ROBO2: variants seen among roughly 807,000 people sequenced by gnomAD.
ROBO2 encodes roundabout guidance receptor 2.
A neutral mutation model predicts 160.8 loss-of-function variants in ROBO2; 53 were observed. The observed-to-expected ratio is 0.33, with a 90% CI of 0.26 to 0.41. ROBO2 has a LOEUF of 0.41. ROBO2 is among the 10% of genes least tolerant of loss of function. The pLI is 1.00. For synonymous variants in ROBO2, 664 were observed against 611.7 expected, an observed-to-expected ratio of 1.09 and a Z score of -1.26; for missense variants, 1,577 against 1,722.4, an observed-to-expected ratio of 0.92 and a Z score of 1.49.
At chr3:77,422,955 C>T (rs2077845392) in intron 2 of ROBO2, among the ~76,000 whole-genome samples, 1 of 151,988 alleles carries the variant, frequency 6.6e-6, no homozygotes, top group African/African-American at 2.4e-5. Flanking sequence ...CATTGTTTAC[C>T]AATTCCCTTA....
At chr3:77,379,216 G>C (rs2073114301) in intron 2 of ROBO2, among the ~76,000 whole-genome samples, 1 of 152,164 alleles carries the variant, frequency 6.6e-6, no homozygotes, top group South Asian at 2.1e-4. Flanking sequence ...CAAGTGCTGG[G>C]ATTACAGGCG....
intron 2 of ROBO2, among the ~76,000 whole-genome samples, chr3:76,904,362 T>C (rs953326980): frequency 1.8e-4 from 28 of 152,184 alleles, no homozygotes; most frequent in African/African-American, 6.8e-4. Context: ...TTTCAGTACA[T>C]TTTCTGATGG....
rs2107766047 is a variant in ROBO2, at chr3:76,307,662, A to G, written c.109+370060A>G. Among the ~76,000 whole-genome samples the G allele has an allele frequency of 2.0e-5, 3 of 151,858 alleles. No homozygotes were observed. The Middle Eastern group carries it at 0.01, about 517-fold the overall frequency. On this transcript the variant is annotated intron_variant, in intron 2 of 26. Transcript: ENST00000487694. Reference sequence around the variant, plus strand: ...AGCCCTTTCCAGTTTCCCAAGATCCATGCGCCCGACTCAGTAAAAGAGAAG... The same window carrying G: ...AGCCCTTTCCAGTTTCCCAAGATCCGTGCGCCCGACTCAGTAAAAGAGAAG...
At chr3:77,297,037 A>ATT (rs35569967) in intron 2 of ROBO2, among the ~76,000 whole-genome samples, 1 of 146,076 alleles carries the variant, frequency 6.8e-6, no homozygotes, top group African/African-American at 2.6e-5. Context: ...GAAACTAAAA[A>ATT]TTTTTTTTTT....
chr3:76,445,658 G>C (rs1488158871), intron 2 of ROBO2, among the ~76,000 whole-genome samples: 1 of 152,050 alleles, frequency 6.6e-6, no homozygotes, highest in African/African-American at 2.4e-5. Context: ...CTGGCAAACC[G>C]AGTCCAGCAA....
intron 2 of ROBO2, among the ~76,000 whole-genome samples, chr3:76,512,880 G>T (rs1479923041): frequency 3.9e-5 from 6 of 152,044 alleles, no homozygotes; most frequent in Non-Finnish European, 7.3e-5. Context: ...CTGGATAAGG[G>T]ATCCTCAACC....
intron 2 of ROBO2, among the ~76,000 whole-genome samples, chr3:77,321,176 C>A (rs1000534121): frequency 6.6e-6 from 1 of 152,016 alleles, no homozygotes; most frequent in African/African-American, 2.4e-5. Flanking sequence ...TATAAAGTAT[C>A]GCATAAATTT....
intron 22 of ROBO2, among the ~76,000 whole-genome samples, chr3:77,619,530 C>A (rs1401884611): frequency 6.6e-6 from 1 of 152,154 alleles, no homozygotes; most frequent in Non-Finnish European, 1.5e-5. Context: ...ACTTTCCCAA[C>A]AAAGGGTGTG....
intron 2 of ROBO2, among the ~76,000 whole-genome samples, chr3:76,669,691 G>A (rs1560343938): frequency 6.6e-6 from 1 of 152,150 alleles, no homozygotes; most frequent in Non-Finnish European, 1.5e-5. Flanking sequence ...AGTTCTCCCT[G>A]GGACACAGAT....
intron 2 of ROBO2, among the ~76,000 whole-genome samples, chr3:76,905,835 CTT>C (rs2075565693): frequency 6.6e-6 from 1 of 152,158 alleles, no homozygotes; most frequent in Non-Finnish European, 1.5e-5. Flanking sequence ...CCTTTAAAGA[CTT>C]TGATGTAAAT....
At chr3:76,070,400 G>A (rs985535588) in intron 2 of ROBO2, among the ~76,000 whole-genome samples, 5 of 152,082 alleles carry the variant, frequency 3.3e-5, no homozygotes, top group Non-Finnish European at 7.3e-5. Context: ...GTCTCCCATA[G>A]CGCTCCCAGG....
intron 2 of ROBO2, among the ~76,000 whole-genome samples, chr3:77,320,937 T>C (rs1221290924): frequency 6.6e-6 from 1 of 152,214 alleles, no homozygotes; most frequent in East Asian, 1.9e-4. Flanking sequence ...TTCATAATCT[T>C]AGGTATGCAA....
chr3:76,539,016 A>T (rs1352451783), intron 2 of ROBO2, among the ~76,000 whole-genome samples: 1 of 152,178 alleles, frequency 6.6e-6, no homozygotes, highest in Non-Finnish European at 1.5e-5. Context: ...ATGTGGCCAT[A>T]AAAAACAATG....
At chr3:76,773,809 C>T (rs1404128106) in intron 2 of ROBO2, among the ~76,000 whole-genome samples, 1 of 150,282 alleles carries the variant, frequency 6.7e-6, no homozygotes. Context: ...GGGAAAAATC[C>T]TTGCAAAATG....
chr3:76,776,453 A>G (rs574408347), intron 2 of ROBO2, among the ~76,000 whole-genome samples: 3 of 151,064 alleles, frequency 2.0e-5, no homozygotes, highest in African/African-American at 7.2e-5. Flanking sequence ...GCCAACTAAA[A>G]GGAAGATTGG....
At chr3:76,283,903 CCTTT>C (rs1708374947) in intron 2 of ROBO2, among the ~76,000 whole-genome samples, 1 of 151,860 alleles carries the variant, frequency 6.6e-6, no homozygotes, top group South Asian at 2.1e-4. Flanking sequence ...TGAAGAGGTT[CCTTT>C]CTTGTCTTAG....
chr3:76,684,061 G>T (rs943478145), intron 2 of ROBO2, among the ~76,000 whole-genome samples: 2 of 151,924 alleles, frequency 1.3e-5, no homozygotes, highest in African/African-American at 4.8e-5. Flanking sequence ...GATTGAAAAC[G>T]AATGTATATT....
At position 77,617,497 on chromosome 3, in the gene ROBO2, T is replaced by C; in HGVS notation, c.3294-16T>C. On this transcript the variant is annotated splice_polypyrimidine_tract_variant and intron_variant, in intron 21 of 25. Coordinates refer to ENST00000461745, the Ensembl canonical transcript of ROBO2. The stretch of plus-strand genomic sequence containing the variant: ...GTATTTGTGTCAATGTGCATATTTT[T>C]CTCATTTAATTTCAGCTATGACAGT... 1 of 1,614,056 alleles carries C rather than the reference T, an allele frequency of 6.2e-7. No individual in the cohort carries two copies. The highest frequency in any genetic ancestry group is 8.5e-7 in the Non-Finnish European group (1 of 1,179,970).
At chr3:76,090,380 C>G (rs2069181831) in intron 2 of ROBO2, among the ~76,000 whole-genome samples, 1 of 152,000 alleles carries the variant, frequency 6.6e-6, no homozygotes, top group Non-Finnish European at 1.5e-5. Context: ...TCCGGGAGAT[C>G]ATGCCACCGC....
Sources: gnomAD v4.1 joint callset for allele counts (sites outside exome capture counted in the v4.1 genomes callset) on GRCh38, gnomAD v4.1.1 for gene constraint, MANE v1.5 for transcripts, NCBI Gene and HGNC (gene_info 2026-07-23, HGNC 2026-07-21) for gene names.